Variants in SLC31A1 observed in about 807,000 individuals in gnomAD.
The protein encoded by SLC31A1 is high affinity copper uptake protein 1.
Under a neutral mutation model 17.2 loss-of-function variants are expected in SLC31A1, and 5 were observed. That is an observed-to-expected ratio of 0.29 (90% confidence interval 0.15 to 0.61). SLC31A1 has a LOEUF of 0.61. Among genes scored for constraint, SLC31A1 ranks in the 20% least tolerant of loss-of-function variants. The pLI, the probability that SLC31A1 is intolerant of heterozygous loss-of-function variation, is 0.86. For missense variants in SLC31A1, 161 were observed against 241.4 expected (o/e 0.67, Z 2.21); for synonymous variants, 76 against 78.8 (o/e 0.96, Z 0.19).
chr9:113,256,377 A>T, intron 2 of SLC31A1, 100 bp downstream of exon 2: 1 of 1,378,448 alleles, frequency 7.3e-7, no homozygotes, highest in Middle Eastern at 2.0e-4. Context: ...TTTAAAGGTC[A>T]GTTTACCAGT....
At chr9:113,251,837 T>C (rs966811520) in intron 1 of SLC31A1, among the ~76,000 whole-genome samples, 4 of 152,226 alleles carry the variant, frequency 2.6e-5, no homozygotes, top group East Asian at 1.9e-4. Flanking sequence ...TAAGGACTTA[T>C]CAGGATTGGT....
Position 113,263,958 on chromosome 9 carries a change from G to A in SLC31A1, c.*3485G>A, listed in dbSNP as rs1016313604. 1 of 152,182 alleles carries A rather than the reference G, an allele frequency of 6.6e-6. No homozygotes were observed. The highest frequency in any genetic ancestry group is 1.5e-5 in the Non-Finnish European group (1 of 68,044). 9.4% of individuals were successfully genotyped at this position (152,182 alleles called of 1,614,324 possible). A position where few individuals can be genotyped will look rare whatever the true frequency, so the allele number is the denominator to read the frequency against. On this transcript the variant is annotated 3_prime_UTR_variant, in exon 5 of 5. Transcript: ENST00000374212. ...GTTCCTTATAAGGAGCAGGCGGAGG[G>A]GAGTACACTTTCATGTGATTTAATT...
chr9:113,237,293 A>C (rs900681657), intron 1 of SLC31A1, among the ~76,000 whole-genome samples: 3 of 152,218 alleles, frequency 2.0e-5, no homozygotes, highest in Non-Finnish European at 4.4e-5. Flanking sequence ...GGTAACGATT[A>C]GATTTAGCTC....
intron 1 of SLC31A1, among the ~76,000 whole-genome samples, chr9:113,246,046 G>T (rs77813908): frequency 0.029 from 4,469 of 152,082 alleles, 86 homozygotes; most frequent in African/African-American, 0.036. Flanking sequence ...CCATCATCAA[G>T]ATAATTGTTG....
At chr9:113,257,225 C>T in intron 3 of SLC31A1, 40 bp downstream of exon 3, 2 of 1,517,418 alleles carry the variant, frequency 1.3e-6, no homozygotes, top group African/African-American at 1.4e-5. Flanking sequence ...GTGATAGTCA[C>T]ATGAGAGACA....
intron 1 of SLC31A1, among the ~76,000 whole-genome samples, chr9:113,251,959 AT>A (rs939799858): frequency 3.3e-5 from 5 of 152,218 alleles, no homozygotes; most frequent in African/African-American, 1.2e-4. Flanking sequence ...CAATATATCC[AT>A]TGTCTACTGA....
At position 113,257,193 on chromosome 9, in the gene SLC31A1, A is replaced by G; in HGVS notation, c.202+8A>G. ...TGATCAATACAGCTGGAGGTGAGTA[A>G]GCCATTAGGTAGTGTTGGAAGGTGA... On this transcript the variant is annotated splice_region_variant and intron_variant, in intron 3 of 4. Coordinates refer to ENST00000374212, the MANE Select transcript of SLC31A1 (RefSeq NM_001859.4). 2 of 1,611,084 alleles carry G rather than the reference A, an allele frequency of 1.2e-6. No homozygotes were observed. The highest frequency in any genetic ancestry group is 1.7e-6 in the Non-Finnish European group (2 of 1,177,326).
intron 1 of SLC31A1, among the ~76,000 whole-genome samples, chr9:113,234,349 G>A (rs1831432239): frequency 3.3e-5 from 5 of 151,650 alleles, no homozygotes; most frequent in Admixed American, 3.3e-4. Flanking sequence ...GCTAATTTTT[G>A]TATTTTTAGT....
At chr9:113,237,601 G>T (rs1831476083) in intron 1 of SLC31A1, among the ~76,000 whole-genome samples, 1 of 152,178 alleles carries the variant, frequency 6.6e-6, no homozygotes, top group South Asian at 2.1e-4. Context: ...CTGGGCTTGA[G>T]GTCAGAATCA....
intron 1 of SLC31A1, among the ~76,000 whole-genome samples, chr9:113,251,095 A>G (rs1426124087): frequency 6.6e-6 from 1 of 152,174 alleles, no homozygotes; most frequent in Non-Finnish European, 1.5e-5. Flanking sequence ...TAGCCACACA[A>G]AACAGATTTA....
intron 1 of SLC31A1, among the ~76,000 whole-genome samples, chr9:113,229,567 A>AT (rs143483333): frequency 0.06 from 9,100 of 152,214 alleles, 316 homozygotes; most frequent in African/African-American, 0.082. Flanking sequence ...TTTAGGTTGT[A>AT]TTTTTAATAT....
At chr9:113,244,493 A>G (rs1831555455) in intron 1 of SLC31A1, among the ~76,000 whole-genome samples, 1 of 152,216 alleles carries the variant, frequency 6.6e-6, no homozygotes, top group African/African-American at 2.4e-5. Flanking sequence ...AAATATCTCC[A>G]TCTGTCAGGG....
In SLC31A1 at chr9:113,261,118, C is replaced by T. The variant is rs1478529774; in HGVS notation, c.*645C>T. 7.7e-5 allele frequency: 12 copies of T among 156,474 alleles called. No individual in the cohort carries two copies. The highest frequency in any genetic ancestry group is 5.5e-4 in the Admixed American group (9 of 16,290). 9.7% of individuals were successfully genotyped at this position (156,474 alleles called of 1,614,324 possible). ...CTCTACTAAAAATACAAAAATTAGC[C>T]GGGCATGGTGGTGGGCGCCTGTAAT... On this transcript the variant is annotated 3_prime_UTR_variant, in exon 5 of 5. Transcript: ENST00000374212.
At chr9:113,245,702 C>T (rs1831569392) in intron 1 of SLC31A1, among the ~76,000 whole-genome samples, 1 of 151,620 alleles carries the variant, frequency 6.6e-6, no homozygotes, top group South Asian at 2.1e-4. Context: ...ACAATCATGG[C>T]TCACTGCAGC....
At chr9:113,246,485 G>A (rs1031296154) in intron 1 of SLC31A1, among the ~76,000 whole-genome samples, 2 of 151,122 alleles carry the variant, frequency 1.3e-5, no homozygotes, top group African/African-American at 4.9e-5. Flanking sequence ...CTGAGTAGCT[G>A]GGACTATAGG....
chr9:113,260,240 C>A lies in SLC31A1; in HGVS notation c.372-32C>A, dbSNP rs376625263. The A allele has an allele frequency of 6.5e-5, 104 of 1,593,744 alleles. No individual in the cohort carries two copies. In the East Asian group the frequency reaches 1.3e-3, roughly 19 times the overall value. On this transcript the variant is annotated intron_variant, in intron 4 of 4. Transcript: ENST00000374212. Reference sequence around the variant, plus strand: ...CCTGATCTGCAGAACTCCTAGGAGTCCCTGATTGTTGTGTCCCTGTTTACT... The same window carrying A: ...CCTGATCTGCAGAACTCCTAGGAGTACCTGATTGTTGTGTCCCTGTTTACT...
intron 1 of SLC31A1, among the ~76,000 whole-genome samples, chr9:113,229,307 C>T (rs1192252947): frequency 6.6e-6 from 1 of 152,192 alleles, no homozygotes; most frequent in Non-Finnish European, 1.5e-5. Context: ...CAACCAACAA[C>T]TTTGTTGTTT....
intron 4 of SLC31A1, among the ~76,000 whole-genome samples, 184 bp downstream of exon 4, chr9:113,259,046 G>A (rs891080058): frequency 4.6e-5 from 7 of 152,232 alleles, no homozygotes; most frequent in Admixed American, 3.3e-4. Context: ...ATGAGAGGGA[G>A]TCTTCTGCAA....
At chr9:113,250,611 T>C (rs1831639231) in intron 1 of SLC31A1, among the ~76,000 whole-genome samples, 1 of 149,008 alleles carries the variant, frequency 6.7e-6, no homozygotes, top group Admixed American at 6.8e-5. Flanking sequence ...TGCACCAGCA[T>C]GGCACATGTA....
Sources: gnomAD v4.1 joint callset for allele counts (sites outside exome capture counted in the v4.1 genomes callset) on GRCh38, gnomAD v4.1.1 for gene constraint, MANE v1.5 for transcripts, NCBI Gene and HGNC (gene_info 2026-07-23, HGNC 2026-07-21) for gene names.